CSMD1: variants seen among roughly 807,000 people sequenced by gnomAD.
CSMD1 encodes the protein CUB and Sushi multiple domains 1.
A neutral mutation model predicts 417.5 loss-of-function variants in CSMD1; 213 were observed. The observed-to-expected ratio is 0.51, with a 90% CI of 0.46 to 0.57. The LOEUF (loss-of-function observed/expected upper bound fraction) is 0.57. Among genes scored for constraint, CSMD1 ranks in the 20% least tolerant of loss-of-function variants. The pLI is 0.00. For missense variants in CSMD1, 6,923 were observed against 4,529.7 expected (o/e 1.53, Z -15.17); for synonymous variants, 2,862 against 1,736.8 (o/e 1.65, Z -16.11).
chr8:4,494,902 G>C (rs992752280), intron 2 of CSMD1, among the ~76,000 whole-genome samples: 2 of 151,798 alleles, frequency 1.3e-5, no homozygotes, highest in African/African-American at 4.8e-5. Flanking sequence ...TCATTGTTAG[G>C]ACAAATTGAA....
intron 25 of CSMD1, among the ~76,000 whole-genome samples, chr8:3,295,737 C>T (rs6995049): frequency 0.038 from 5,751 of 152,104 alleles, 370 homozygotes; most frequent in African/African-American, 0.13. Flanking sequence ...ACCTGATTAC[C>T]GTCAGACTAA....
chr8:4,495,420 A>C (rs1801930823), intron 2 of CSMD1, among the ~76,000 whole-genome samples: 1 of 151,994 alleles, frequency 6.6e-6, no homozygotes. Context: ...CTAAAAATAC[A>C]GAAAATTAGC....
chr8:4,968,465 C>T (rs560345319), intron 1 of CSMD1, among the ~76,000 whole-genome samples: 1 of 152,084 alleles, frequency 6.6e-6, no homozygotes, highest in Non-Finnish European at 1.5e-5. Flanking sequence ...CTGCAAAGAC[C>T]TCTACTGCAT....
chr8:4,901,472 C>G (rs1249767070), intron 1 of CSMD1, among the ~76,000 whole-genome samples: 1 of 152,082 alleles, frequency 6.6e-6, no homozygotes, highest in Non-Finnish European at 1.5e-5. Flanking sequence ...TATTTCAAAA[C>G]AAAGCTACAT....
chr8:4,555,359 T>C lies in CSMD1; in HGVS notation c.302+81983A>G, dbSNP rs544103117. On this transcript the variant is annotated intron_variant, in intron 2 of 69. Coordinates refer to ENST00000635120, the MANE Select transcript of CSMD1 (RefSeq NM_033225.6). ...AATGGACCTGGCAATGGATGGAACA[T>C]GGGAGGGACGGGGAATGTCGTGGGC... Among the ~76,000 whole-genome samples the C allele has an allele frequency of 2.6e-5, 4 of 152,094 alleles. No homozygotes were observed. In the South Asian group the frequency reaches 6.2e-4, roughly 24 times the overall value.
At chr8:3,704,355 C>T (rs995867440) in intron 7 of CSMD1, among the ~76,000 whole-genome samples, 36 of 152,082 alleles carry the variant, frequency 2.4e-4, no homozygotes, top group African/African-American at 7.2e-4. Context: ...AGGCATATAC[C>T]CAGTGGGCTC....
Position 4,297,695 on chromosome 8 carries a change from G to A in CSMD1, c.415+122258C>T, listed in dbSNP as rs368752118. 1.2e-3 allele frequency among the ~76,000 whole-genome samples: 180 copies of A among 152,188 alleles called. No homozygotes were observed. The Middle Eastern group carries it at 0.014, about 12-fold the overall frequency. ...TCTGCTACTGTTTTAGCATTAACCC[G>A]GAGCCATCGGTGATCGCCTCTGTGT... On this transcript the variant is annotated intron_variant, in intron 3 of 69. Transcript: ENST00000635120.
chr8:4,833,818 C>A (rs1438999602), intron 1 of CSMD1, among the ~76,000 whole-genome samples: 1 of 152,232 alleles, frequency 6.6e-6, no homozygotes, highest in African/African-American at 2.4e-5. Context: ...AAAAGGGAGA[C>A]TTCCAATCAA....
At chr8:3,487,913 G>A (rs931643011) in intron 11 of CSMD1, among the ~76,000 whole-genome samples, 9 of 151,680 alleles carry the variant, frequency 5.9e-5, no homozygotes, top group African/African-American at 1.9e-4. Flanking sequence ...TGATATTAAT[G>A]GTTTTGTTTT....
intron 1 of CSMD1, among the ~76,000 whole-genome samples, chr8:4,667,908 G>A (rs887931373): frequency 6.6e-6 from 1 of 152,296 alleles, no homozygotes; most frequent in African/African-American, 2.4e-5. Flanking sequence ...AGTGGTTAGA[G>A]TGGCCATCTT....
intron 3 of CSMD1, among the ~76,000 whole-genome samples, chr8:4,164,551 C>T (rs545788880): frequency 6.6e-6 from 1 of 152,188 alleles, no homozygotes; most frequent in Non-Finnish European, 1.5e-5. Context: ...GTTGTATAAG[C>T]CACCAAGCCC....
At chr8:4,900,981 T>C (rs1288499457) in intron 1 of CSMD1, among the ~76,000 whole-genome samples, 1 of 152,224 alleles carries the variant, frequency 6.6e-6, no homozygotes, top group African/African-American at 2.4e-5. Context: ...TATATTTGAA[T>C]GAATTAATGA....
At chr8:3,772,397 A>ATATATT (rs1798636737) in intron 5 of CSMD1, among the ~76,000 whole-genome samples, 3 of 22,896 alleles carry the variant, frequency 1.3e-4, no homozygotes, top group Non-Finnish European at 2.4e-4. Flanking sequence ...TTATATATAC[A>ATATATT]CATATATACA....
chr8:4,289,410 G>GACTCGAAAAT (rs113872731), intron 3 of CSMD1, among the ~76,000 whole-genome samples: 6,922 of 152,084 alleles, frequency 0.046, 254 homozygotes, highest in South Asian at 0.15. Context: ...AGGGAGCCAG[G>GACTCGAAAAT]GCCTGTGTTT....
At chr8:4,455,437 A>C (rs1799407706) in intron 2 of CSMD1, among the ~76,000 whole-genome samples, 1 of 152,138 alleles carries the variant, frequency 6.6e-6, no homozygotes, top group African/African-American at 2.4e-5. Flanking sequence ...AATGATGGAG[A>C]AATGATACAA....
chr8:4,691,119 G>A (rs1164892963), intron 1 of CSMD1, among the ~76,000 whole-genome samples: 1 of 152,176 alleles, frequency 6.6e-6, no homozygotes, highest in Non-Finnish European at 1.5e-5. Context: ...ATGACAGAAT[G>A]AAATAGCAGA....
chr8:3,493,717 G>A lies in CSMD1; in HGVS notation c.1354C>T (p.Leu452Phe). 6.2e-7 allele frequency: 1 copy of A among 1,609,944 alleles called. No homozygotes were observed. Among genetic ancestry groups the A allele is most frequent in the South Asian group, 1.1e-5 (1 of 89,760 alleles). The change falls in exon 11 of 70, where the codon CTT becomes TTT. Residue 452 changes from leucine (L) to phenylalanine (F), a missense_variant. Coordinates refer to ENST00000635120, the MANE Select transcript of CSMD1 (RefSeq NM_033225.6). ...TCCAGCTCAAACTCTTCAAAGGCAA[G>A]CTTGATGACCTAAATACAAGGTACG... ...TTTDPDKVIK[L>F]AFEEFELERG...
At chr8:4,675,345 G>C (rs1197460376) in intron 1 of CSMD1, among the ~76,000 whole-genome samples, 2 of 152,154 alleles carry the variant, frequency 1.3e-5, no homozygotes, top group African/African-American at 2.4e-5. Flanking sequence ...AATGAGTGTA[G>C]AGAAATGTTT....
chr8:2,977,382 G>A (rs1411208094), intron 55 of CSMD1, among the ~76,000 whole-genome samples: 1 of 152,222 alleles, frequency 6.6e-6, no homozygotes, highest in Non-Finnish European at 1.5e-5. Flanking sequence ...TTAGTTTGCA[G>A]AGGATAATGG....
Sources: allele counts gnomAD v4.1 joint callset (sites outside exome capture counted in the v4.1 genomes callset), GRCh38; gene constraint gnomAD v4.1.1; transcripts MANE v1.5; gene names NCBI Gene and HGNC (gene_info 2026-07-23, HGNC 2026-07-21).